HMG20A: variants seen among roughly 807,000 people sequenced by gnomAD.
HMG20A encodes the protein high mobility group protein 20A.
HMG20A carries 17 observed loss-of-function variants against 43.9 expected under a neutral mutation model. The observed-to-expected ratio is 0.39, with a 90% CI of 0.27 to 0.58. HMG20A has a LOEUF of 0.58. Among genes scored for constraint, HMG20A ranks in the 20% least tolerant of loss-of-function variants. HMG20A has a pLI of 0.59. For missense variants in HMG20A, 341 were observed against 438.2 expected (o/e 0.78, Z 1.98); for synonymous variants, 132 against 147.5 (o/e 0.89, Z 0.76).
chr15:77,493,411 A>G, the HMG20A span, among the ~76,000 whole-genome samples: 314 of 152,268 alleles, frequency 2.1e-3, no homozygotes, highest in Middle Eastern at 0.014. Context: ...GAGCAGGGAA[A>G]TGTAGGGGAA....
intron 1 of HMG20A, 81 bp downstream of exon 1, chr15:77,421,085 G>A (rs762082557): frequency 1.8e-5 from 7 of 396,180 alleles, no homozygotes; most frequent in Non-Finnish European, 3.1e-5. Flanking sequence ...TTTTGGTGGT[G>A]GTGGTACTGG....
At chr15:77,454,719 C>T (rs554668391) in intron 1 of HMG20A, among the ~76,000 whole-genome samples, 1 of 152,212 alleles carries the variant, frequency 6.6e-6, no homozygotes, top group South Asian at 2.1e-4. Context: ...GGCAAAAGAA[C>T]ATTTGCAATG....
the HMG20A span, among the ~76,000 whole-genome samples, chr15:77,501,484 T>C: frequency 2.0e-5 from 3 of 152,184 alleles, no homozygotes; most frequent in East Asian, 5.8e-4. Flanking sequence ...CCTCTCAGGC[T>C]CTCTTGGGAC....
the HMG20A span, among the ~76,000 whole-genome samples, chr15:77,515,921 G>C: frequency 3.9e-5 from 6 of 152,140 alleles, no homozygotes; most frequent in Non-Finnish European, 5.9e-5. Context: ...GGTGTGGGGA[G>C]AAGAGGAGCC....
intron 1 of HMG20A, among the ~76,000 whole-genome samples, chr15:77,426,130 T>G (rs986089462): frequency 6.6e-6 from 1 of 152,162 alleles, no homozygotes; most frequent in Non-Finnish European, 1.5e-5. Context: ...AGTATGGAGT[T>G]TCCTTTGGAA....
chr15:77,449,343 GTTT>G (rs2073710267), intron 1 of HMG20A, among the ~76,000 whole-genome samples: 1 of 152,062 alleles, frequency 6.6e-6, no homozygotes, highest in Admixed American at 6.6e-5. Context: ...TGGTGAAAGA[GTTT>G]TTAACTGAAT....
intron 1 of HMG20A, among the ~76,000 whole-genome samples, chr15:77,424,452 A>T (rs1329887638): frequency 6.6e-6 from 1 of 152,300 alleles, no homozygotes; most frequent in South Asian, 2.1e-4. Context: ...CCTAAGCCTC[A>T]GTTTTCCTAA....
intron 1 of HMG20A, among the ~76,000 whole-genome samples, chr15:77,429,211 GTTTTTTTGT>G (rs1253077347): frequency 2.6e-5 from 4 of 151,172 alleles, no homozygotes; most frequent in African/African-American, 2.4e-5. Context: ...AATATGGTGG[GTTTTTTTGT>G]TTTTTTTGTT....
At chr15:77,475,968 A>G (rs2072850869) in intron 6 of HMG20A, among the ~76,000 whole-genome samples, 1 of 152,194 alleles carries the variant, frequency 6.6e-6, no homozygotes, top group African/African-American at 2.4e-5. Context: ...TTTTGTTAGG[A>G]AGAAAAATAC....
chr15:77,446,671 G>A lies in HMG20A; in HGVS notation c.-4-11733G>A, dbSNP rs1473672000. On this transcript the variant is annotated intron_variant, in intron 1 of 9. Coordinates refer to ENST00000336216, the MANE Select transcript of HMG20A (RefSeq NM_001304504.2). The stretch of plus-strand genomic sequence containing the variant: ...AAATACAAAAAATTAGCCGGGCATG[G>A]TGGTGGGCACCTGTAGTCCCAGCTA... Among the ~76,000 whole-genome samples, 10 of 152,232 alleles carry A rather than the reference G, an allele frequency of 6.6e-5. 1 individual carries two copies. The highest frequency in any genetic ancestry group is 4.2e-4 in the South Asian group (2 of 4,818).
At chr15:77,429,999 T>C (rs1433234939) in intron 1 of HMG20A, among the ~76,000 whole-genome samples, 1 of 152,226 alleles carries the variant, frequency 6.6e-6, no homozygotes, top group Non-Finnish European at 1.5e-5. Flanking sequence ...TTTGTAGTTA[T>C]TGAAAACTGG....
intron 1 of HMG20A, among the ~76,000 whole-genome samples, chr15:77,426,512 G>A (rs374601459): frequency 1.1e-4 from 17 of 152,104 alleles, no homozygotes; most frequent in African/African-American, 3.9e-4. Flanking sequence ...TATCATAAAG[G>A]TATTCATCCT....
intron 4 of HMG20A, among the ~76,000 whole-genome samples, chr15:77,468,996 C>G (rs956806649): frequency 6.6e-6 from 1 of 151,900 alleles, no homozygotes; most frequent in African/African-American, 2.4e-5. Context: ...GCTTCCCCCG[C>G]TGCTTTTACC....
intron 1 of HMG20A, among the ~76,000 whole-genome samples, chr15:77,435,819 C>CTTTTTTTTTTTTT (rs35390385): frequency 6.8e-6 from 1 of 147,760 alleles, no homozygotes; most frequent in Non-Finnish European, 1.5e-5. Context: ...GTAGGTGCAT[C>CTTTTTTTTTTTTT]TTTTTTTTTT....
chr15:77,466,768 A>G (rs975302607), intron 3 of HMG20A, among the ~76,000 whole-genome samples: 4 of 152,194 alleles, frequency 2.6e-5, no homozygotes, highest in Non-Finnish European at 5.9e-5. Flanking sequence ...TGGGACAGTC[A>G]TATGCATATG....
chr15:77,490,762 G>A, the HMG20A span, among the ~76,000 whole-genome samples: 63 of 152,282 alleles, frequency 4.1e-4, no homozygotes, highest in African/African-American at 1.4e-3. Context: ...GAAACATCAC[G>A]GAAGAAAAAT....
chr15:77,424,713 A>T (rs1036581813), intron 1 of HMG20A, among the ~76,000 whole-genome samples: 1 of 151,996 alleles, frequency 6.6e-6, no homozygotes, highest in Non-Finnish European at 1.5e-5. Flanking sequence ...TCAAGATTTA[A>T]TTTTTTTTCC....
intron 1 of HMG20A, among the ~76,000 whole-genome samples, chr15:77,434,692 G>A (rs915091431): frequency 3.3e-5 from 5 of 152,086 alleles, no homozygotes; most frequent in African/African-American, 4.8e-5. Context: ...GTATCTTGAG[G>A]CCTCTCACTA....
intron 5 of HMG20A, 41 bp downstream of exon 5, chr15:77,471,083 G>A (rs2072804011): frequency 1.3e-6 from 2 of 1,585,162 alleles, no homozygotes; most frequent in South Asian, 2.3e-5. Context: ...GTTTGTTGTG[G>A]GTGATGGAGT....
Sources: allele counts gnomAD v4.1 joint callset (sites outside exome capture counted in the v4.1 genomes callset), GRCh38; gene constraint gnomAD v4.1.1; transcripts MANE v1.5; gene names NCBI Gene and HGNC (gene_info 2026-07-23, HGNC 2026-07-21).